ROBO1: variants seen among roughly 807,000 people sequenced by gnomAD.
ROBO1 encodes the protein roundabout homolog 1.
In ROBO1, 149 loss-of-function variants were observed where a neutral mutation model predicts 195.9. The ratio of observed to expected loss-of-function variants is 0.76; its 90% confidence interval spans 0.67 to 0.87. The LOEUF is 0.87. Ranked by LOEUF, ROBO1 falls within the 40% of genes least tolerant of loss-of-function variation. ROBO1 has a pLI of 0.00. For synonymous variants in ROBO1, 816 were observed against 733.2 expected, an observed-to-expected ratio of 1.11 and a Z score of -1.82; for missense variants, 1,933 against 2,068.3, an observed-to-expected ratio of 0.93 and a Z score of 1.27.
chr3:79,551,996 A>AG, intron 2 of ROBO1, among the ~76,000 whole-genome samples: 1 of 146,480 alleles, frequency 6.8e-6, no homozygotes, highest in African/African-American at 2.5e-5. Flanking sequence ...AAAAAAAAAA[A>AG]AAAAAAAAAA....
rs1704002674 is a variant in ROBO1 at position 78,614,682 on chromosome 3, C to G, written c.4401G>C (p.Gln1467His). The change falls in exon 28 of 31, where the codon CAG becomes CAC. Residue 1467 changes from glutamine (Q) to histidine (H), a missense_variant. By Grantham distance (24) the Gln-to-His change is conservative. Coordinates refer to ENST00000464233, the MANE Select transcript of ROBO1 (RefSeq NM_002941.4). ...KTRPAKKLKH[Q>H]PGHLRRETYT... ...AGGTTTCTCTGCGCAGATGTCCTGG[C>G]TGGTGTTTCAGTTTCTTGGCTGGTC... 2 of 1,613,618 alleles carry G rather than the reference C, an allele frequency of 1.2e-6. No individual in the cohort carries two copies. The highest frequency in any genetic ancestry group is 1.7e-6 in the Non-Finnish European group (2 of 1,179,800).
At chr3:79,369,956 A>C (rs2036129152) in intron 2 of ROBO1, among the ~76,000 whole-genome samples, 2 of 152,230 alleles carry the variant, frequency 1.3e-5, no homozygotes, top group Admixed American at 6.5e-5. Context: ...GAAGTGAGAG[A>C]TAACCCTGCC....
At chr3:78,789,678 T>C (rs2083957689) in intron 4 of ROBO1, among the ~76,000 whole-genome samples, 2 of 152,182 alleles carry the variant, frequency 1.3e-5, no homozygotes, top group Non-Finnish European at 2.9e-5. Context: ...TCTGGTTAAC[T>C]TGAGAGAACA....
chr3:78,627,283 A>G (rs1456123816), intron 26 of ROBO1, 38 bp downstream of exon 26: 1 of 1,592,764 alleles, frequency 6.3e-7, no homozygotes, highest in Non-Finnish European at 8.6e-7. Context: ...AGTAGAAATT[A>G]TCTGATTTGT....
chr3:79,262,439 C>T (rs1400968767), intron 2 of ROBO1, among the ~76,000 whole-genome samples: 1 of 151,956 alleles, frequency 6.6e-6, no homozygotes, highest in Non-Finnish European at 1.5e-5. Context: ...TGCTAATCTG[C>T]ATTTGATATT....
intron 4 of ROBO1, among the ~76,000 whole-genome samples, chr3:78,747,567 G>T (rs1239488963): frequency 2.0e-5 from 3 of 151,958 alleles, no homozygotes; most frequent in African/African-American, 4.8e-5. Flanking sequence ...TCACTTTTAT[G>T]TTCTATGTTT....
intron 5 of ROBO1, among the ~76,000 whole-genome samples, chr3:78,722,547 G>C (rs1158470122): frequency 2.0e-5 from 3 of 152,064 alleles, no homozygotes; most frequent in Non-Finnish European, 4.4e-5. Flanking sequence ...ATGCACTTTT[G>C]TAACAATAGC....
intron 21 of ROBO1, among the ~76,000 whole-genome samples, chr3:78,640,872 T>G (rs1575824284): frequency 6.6e-6 from 1 of 152,270 alleles, no homozygotes; most frequent in Admixed American, 6.5e-5. Flanking sequence ...ATGCAATAAT[T>G]ATGTTTCTTA....
intron 5 of ROBO1, among the ~76,000 whole-genome samples, chr3:78,745,565 C>T (rs1397089555): frequency 6.6e-6 from 1 of 152,118 alleles, no homozygotes; most frequent in East Asian, 1.9e-4. Context: ...TGTTTCTTCG[C>T]TCTATTTCTC....
At chr3:79,374,723 G>A (rs549143282) in intron 2 of ROBO1, among the ~76,000 whole-genome samples, 1 of 152,118 alleles carries the variant, frequency 6.6e-6, no homozygotes, top group South Asian at 2.1e-4. Context: ...TTAGTCTTTT[G>A]TAGAAATGCT....
chr3:78,859,414 C>G (rs527590981), intron 4 of ROBO1, among the ~76,000 whole-genome samples: 1 of 152,014 alleles, frequency 6.6e-6, no homozygotes, highest in Non-Finnish European at 1.5e-5. Flanking sequence ...TTAGGCTGCA[C>G]GTAGGCACTC....
chr3:79,636,099 TG>T (rs1945487866), intron 1 of ROBO1, among the ~76,000 whole-genome samples: 1 of 152,128 alleles, frequency 6.6e-6, no homozygotes, highest in African/African-American at 2.4e-5. Context: ...GAACAGATAA[TG>T]TATTATAAAA....
At chr3:78,788,689 G>GT (rs749561280) in intron 4 of ROBO1, among the ~76,000 whole-genome samples, 8 of 151,506 alleles carry the variant, frequency 5.3e-5, no homozygotes, top group Non-Finnish European at 2.9e-5. Context: ...GATTTGTTTT[G>GT]TTTTTTAAAA....
intron 21 of ROBO1, 21 bp downstream of exon 21, chr3:78,646,127 C>T: frequency 1.9e-6 from 3 of 1,597,270 alleles, no homozygotes; most frequent in Non-Finnish European, 2.6e-6. Context: ...GTAGGATCTA[C>T]AAAACAAGCA....
At chr3:78,916,851 A>G (rs1200953669) in intron 4 of ROBO1, among the ~76,000 whole-genome samples, 2 of 152,170 alleles carry the variant, frequency 1.3e-5, no homozygotes, top group Non-Finnish European at 2.9e-5. Context: ...AGAAAACAAA[A>G]GAAGCCCATA....
intron 2 of ROBO1, among the ~76,000 whole-genome samples, chr3:79,191,607 C>T (rs2081542087): frequency 6.6e-6 from 1 of 151,142 alleles, no homozygotes; most frequent in African/African-American, 2.4e-5. Flanking sequence ...GAGCTTTAAA[C>T]ATAAGGATAT....
chr3:79,586,843 C>T (rs957907269), intron 2 of ROBO1, among the ~76,000 whole-genome samples: 43 of 151,722 alleles, frequency 2.8e-4, no homozygotes, highest in African/African-American at 9.4e-4. Flanking sequence ...TAAGTCAAGA[C>T]GTGGCATAGT....
intron 5 of ROBO1, among the ~76,000 whole-genome samples, chr3:78,746,357 C>A (rs1279272058): frequency 3.3e-5 from 5 of 152,092 alleles, no homozygotes; most frequent in Admixed American, 1.3e-4. Flanking sequence ...ATAAAAACAT[C>A]CTGAAGTGGC....
chr3:79,020,563 TC>T (rs781362089), intron 3 of ROBO1, among the ~76,000 whole-genome samples: 119 of 152,188 alleles, frequency 7.8e-4, no homozygotes, highest in Middle Eastern at 3.4e-3. Flanking sequence ...GTGGTGGCGT[TC>T]GCCTGTAGCC....
Sources: gnomAD v4.1 joint callset for allele counts (sites outside exome capture counted in the v4.1 genomes callset) on GRCh38, gnomAD v4.1.1 for gene constraint, MANE v1.5 for transcripts, NCBI Gene and HGNC (gene_info 2026-07-23, HGNC 2026-07-21) for gene names.